TDRD7: variants seen among roughly 807,000 people sequenced by gnomAD.
The protein encoded by TDRD7 is tudor domain containing 7.
TDRD7 carries 47 observed loss-of-function variants against 109.8 expected under a neutral mutation model. That is an observed-to-expected ratio of 0.43 (90% CI 0.34 to 0.55). TDRD7 has a LOEUF of 0.55. Among genes scored for constraint, TDRD7 ranks in the 20% least tolerant of loss-of-function variants. The pLI, the probability that TDRD7 is intolerant of heterozygous loss-of-function variation, is 0.03. For synonymous variants in TDRD7, 424 were observed against 457.3 expected (o/e 0.93, Z 0.93); for missense variants, 1,164 against 1,319.2 (o/e 0.88, Z 1.82).
chr9:97,442,008 CTCT>C, intron 6 of TDRD7, 133 bp downstream of exon 6: 1 of 765,136 alleles, frequency 1.3e-6, no homozygotes, highest in Non-Finnish European at 2.3e-6. Flanking sequence ...TAATCTTTAT[CTCT>C]TAAGATTAAC....
intron 1 of TDRD7, among the ~76,000 whole-genome samples, chr9:97,422,874 A>C (rs548687010): frequency 6.6e-6 from 1 of 152,342 alleles, no homozygotes; most frequent in African/African-American, 2.4e-5. Context: ...GCATTCCTGG[A>C]ATAAACTTTA....
At position 97,495,761 on chromosome 9, in the gene TDRD7, A is replaced by C. The variant is rs1286096122; in HGVS notation, c.3175A>C (p.Asn1059His). The C allele has an allele frequency of 3.7e-6, 6 of 1,614,092 alleles. No individual in the cohort carries two copies. In the African/African-American group the frequency reaches 5.3e-5, roughly 14 times the overall value. Residue 1059 changes from asparagine (N) to histidine (H), a missense_variant, in exon 17 of 17, where the codon AAT becomes CAT. Around this residue, in one of 5 missense-constraint regions of TDRD7, gnomAD observed 162 missense variants for 222.5 expected, o/e 0.73. Transcript: ENST00000355295. ...LVALVQTVIE[N>H]ANPWDRKVVV... Reference sequence around the variant, plus strand: ...GGCACTGGTGCAGACAGTCATTGAAAATGCTAACCCTTGGGACCGGAAAGT... The same window carrying C: ...GGCACTGGTGCAGACAGTCATTGAACATGCTAACCCTTGGGACCGGAAAGT...
At chr9:97,463,081 A>G (rs895437452) in intron 7 of TDRD7, among the ~76,000 whole-genome samples, 1 of 152,258 alleles carries the variant, frequency 6.6e-6, no homozygotes, top group African/African-American at 2.4e-5. Context: ...GTGCAACTGC[A>G]TTCAAGGCAG....
At chr9:97,466,576 T>TA (rs1587882852) in intron 8 of TDRD7, among the ~76,000 whole-genome samples, 1 of 152,280 alleles carries the variant, frequency 6.6e-6, no homozygotes, top group Admixed American at 6.5e-5. Flanking sequence ...TAAAAACAAA[T>TA]TATAGTTTAT....
chr9:97,465,177 A>G, intron 8 of TDRD7, 149 bp downstream of exon 8: 1 of 1,054,976 alleles, frequency 9.5e-7, no homozygotes. Flanking sequence ...TAATATCTGT[A>G]AAAGGTTATC....
At chr9:97,453,845 G>A (rs1486778117) in intron 6 of TDRD7, among the ~76,000 whole-genome samples, 1 of 152,160 alleles carries the variant, frequency 6.6e-6, no homozygotes, top group Non-Finnish European at 1.5e-5. Context: ...AACAAGAAGA[G>A]CTGACTATTC....
chr9:97,475,536 T>C, intron 12 of TDRD7, 67 bp downstream of exon 12: 1 of 1,145,344 alleles, frequency 8.7e-7, no homozygotes, highest in South Asian at 1.3e-5. Context: ...TACACATAGG[T>C]TTTTTTAAAA....
chr9:97,430,724 A>G (rs746275282), intron 2 of TDRD7, among the ~76,000 whole-genome samples: 2 of 152,224 alleles, frequency 1.3e-5, no homozygotes, highest in Non-Finnish European at 2.9e-5. Flanking sequence ...AGTTTAGGAA[A>G]GATAATTCAA....
intron 14 of TDRD7, among the ~76,000 whole-genome samples, chr9:97,482,467 G>C (rs546727244): frequency 6.6e-6 from 1 of 152,132 alleles, no homozygotes; most frequent in Non-Finnish European, 1.5e-5. Flanking sequence ...TTGATGCTGG[G>C]TGATGAGTAT....
intron 1 of TDRD7, among the ~76,000 whole-genome samples, chr9:97,422,019 A>G (rs1362926724): frequency 2.6e-5 from 4 of 152,154 alleles, no homozygotes; most frequent in African/African-American, 9.7e-5. Flanking sequence ...TATGAAGTTC[A>G]TTATTTGCAT....
At chr9:97,460,129 GT>G in intron 6 of TDRD7, 48 bp from the exon 7 acceptor site, 19 of 1,514,570 alleles carry the variant, frequency 1.3e-5, no homozygotes, top group Non-Finnish European at 1.7e-5. Context: ...TTTGTGGGTT[GT>G]TTATAGTCAC....
chr9:97,412,199 C>G lies in TDRD7; in HGVS notation c.-46C>G, dbSNP rs1031330411. 1.3e-5 allele frequency: 2 copies of G among 152,654 alleles called. No homozygotes were observed. Among genetic ancestry groups the G allele is most frequent in the Admixed American group, 1.3e-4 (2 of 15,276 alleles). The allele number at this position is 152,654 out of a possible 1,614,324, so 9.5% of individuals were successfully genotyped here. A position where few individuals can be genotyped will look rare whatever the true frequency, so the allele number is the denominator to read the frequency against. Reference sequence around the variant, plus strand: ...GGCGGAGACGGCGGCAGGAGCTGGGCCCAGAGACGCGGGGACGGGCCGTGG... The same window carrying G: ...GGCGGAGACGGCGGCAGGAGCTGGGGCCAGAGACGCGGGGACGGGCCGTGG... On this transcript the variant is annotated 5_prime_UTR_variant, in exon 1 of 17. Coordinates refer to ENST00000355295, the MANE Select transcript of TDRD7 (RefSeq NM_014290.3). This position sits in a 1 kb window ranked among gnomAD's most constrained non-coding sequence, Gnocchi z 4.3.
At chr9:97,416,255 T>C (rs553376356) in intron 1 of TDRD7, among the ~76,000 whole-genome samples, 2 of 152,338 alleles carry the variant, frequency 1.3e-5, no homozygotes, top group African/African-American at 4.8e-5. Flanking sequence ...GAACTTAATT[T>C]ACAGATTGCA....
chr9:97,490,328 G>A (rs911432779), intron 16 of TDRD7, among the ~76,000 whole-genome samples: 3 of 151,998 alleles, frequency 2.0e-5, no homozygotes, highest in Non-Finnish European at 2.9e-5. Flanking sequence ...ATTTCATAAG[G>A]TACAGAACTT....
intron 16 of TDRD7, among the ~76,000 whole-genome samples, chr9:97,492,169 TTC>T (rs1424751653): frequency 6.6e-6 from 1 of 152,210 alleles, no homozygotes; most frequent in Non-Finnish European, 1.5e-5. Flanking sequence ...GTTGTTGATT[TTC>T]TGTTTGTTCA....
intron 4 of TDRD7, among the ~76,000 whole-genome samples, chr9:97,433,526 A>G (rs533191449): frequency 5.6e-4 from 85 of 152,258 alleles, no homozygotes; most frequent in Non-Finnish European, 8.4e-4. Flanking sequence ...ATGGGATTAC[A>G]TCAAGCTAAA....
intron 2 of TDRD7, 59 bp downstream of exon 2, chr9:97,428,731 C>A: frequency 6.7e-7 from 1 of 1,483,562 alleles, no homozygotes; most frequent in Non-Finnish European, 9.3e-7. Context: ...GCCTCTCTGG[C>A]ACTTCCAATC....
At chr9:97,420,680 T>G (rs975843942) in intron 1 of TDRD7, among the ~76,000 whole-genome samples, 52 of 152,220 alleles carry the variant, frequency 3.4e-4, no homozygotes, top group Non-Finnish European at 5.1e-4. Context: ...ACTTACCTTT[T>G]GATAGACATT....
At chr9:97,444,496 ACTT>A (rs1488209571) in intron 6 of TDRD7, among the ~76,000 whole-genome samples, 1 of 152,218 alleles carries the variant, frequency 6.6e-6, no homozygotes, top group Non-Finnish European at 1.5e-5. Flanking sequence ...CCTTCTTATA[ACTT>A]CTTCTTTTCA....
Sources: gnomAD v4.1 joint callset for allele counts (sites outside exome capture counted in the v4.1 genomes callset) on GRCh38, gnomAD v4.1.1 for gene constraint, gnomAD v4.1.1 regional missense constraint, Gnocchi (gnomAD v3.1) non-coding constraint, MANE v1.5 for transcripts, NCBI Gene and HGNC (gene_info 2026-07-23, HGNC 2026-07-21) for gene names.